Variants in SUCLG2 observed in about 807,000 individuals in gnomAD.
SUCLG2 encodes succinate--CoA ligase [GDP-forming] subunit beta, mitochondrial.
SUCLG2 carries 42 observed loss-of-function variants against 47.9 expected under a neutral mutation model. The ratio of observed to expected loss-of-function variants is 0.88; its 90% CI spans 0.69 to 1.14. The LOEUF (loss-of-function observed/expected upper bound fraction) is 1.14. SUCLG2 is among the 50% of genes most tolerant of loss of function. The pLI, the probability that SUCLG2 is intolerant of heterozygous loss-of-function variation, is 0.00. For synonymous variants in SUCLG2, 195 were observed against 197.3 expected (o/e 0.99, Z 0.10); for missense variants, 571 against 525.9 (o/e 1.09, Z -0.84).
intron 10 of SUCLG2, among the ~76,000 whole-genome samples, chr3:67,366,477 T>G (rs1701876860): frequency 6.6e-6 from 1 of 152,216 alleles, no homozygotes; most frequent in Non-Finnish European, 1.5e-5. Flanking sequence ...TTTGCCTCTA[T>G]TTAATCTCTG....
rs1575736504 is a variant in SUCLG2, at chr3:67,498,426, G to A, written c.758-131C>T. The A allele has an allele frequency of 1.1e-5, 11 of 1,007,948 alleles. 1 individual carries two copies. The South Asian group carries it at 1.8e-4, about 16-fold the overall frequency. 62.4% of individuals were successfully genotyped at this position (1,007,948 alleles called of 1,614,324 possible). ...TTTTTTTCACATGTTACAGGCAGGA[G>A]AGGCTGCTTTGGCTTTCTTGACCTT... On this transcript the variant is annotated intron_variant, in intron 7 of 10. Transcript: ENST00000307227.
intron 1 of SUCLG2, among the ~76,000 whole-genome samples, chr3:67,643,891 T>G (rs1045920588): frequency 3.3e-5 from 5 of 152,126 alleles, no homozygotes; most frequent in African/African-American, 1.2e-4. Flanking sequence ...TGGCCAGGCT[T>G]GTCTTCAACT....
intron 1 of SUCLG2, among the ~76,000 whole-genome samples, chr3:67,650,161 ATATT>A (rs1189152470): frequency 6.6e-6 from 1 of 152,228 alleles, no homozygotes; most frequent in African/African-American, 2.4e-5. Flanking sequence ...AAAAAGTCAA[ATATT>A]TATTCTCCTA....
chr3:67,636,587 C>T (rs1386635640), intron 1 of SUCLG2, among the ~76,000 whole-genome samples: 4 of 151,990 alleles, frequency 2.6e-5, no homozygotes, highest in Admixed American at 6.5e-5. Context: ...CTCCTGACCT[C>T]GTGATCCACC....
intron 2 of SUCLG2, among the ~76,000 whole-genome samples, chr3:67,542,261 T>C (rs891424100): frequency 1.3e-5 from 2 of 152,164 alleles, no homozygotes; most frequent in Admixed American, 1.3e-4. Flanking sequence ...AATAAAATCC[T>C]TTACAGAGAA....
At chr3:67,649,082 A>T (rs1260827493) in intron 1 of SUCLG2, among the ~76,000 whole-genome samples, 1 of 152,214 alleles carries the variant, frequency 6.6e-6, no homozygotes, top group Non-Finnish European at 1.5e-5. Flanking sequence ...TGGGTAAGGT[A>T]ATTAGGAAAA....
At chr3:67,592,274 A>G (rs1381026805) in intron 2 of SUCLG2, among the ~76,000 whole-genome samples, 2 of 152,230 alleles carry the variant, frequency 1.3e-5, no homozygotes, top group Non-Finnish European at 2.9e-5. Flanking sequence ...TTGATCAGCC[A>G]GCCCTTCAAC....
intron 2 of SUCLG2, among the ~76,000 whole-genome samples, chr3:67,545,857 G>C (rs927818453): frequency 4.6e-5 from 7 of 152,034 alleles, no homozygotes; most frequent in African/African-American, 1.7e-4. Context: ...CCAGCAGCCA[G>C]AGAGATCCAC....
chr3:67,458,697 C>T (rs183897573), intron 9 of SUCLG2, among the ~76,000 whole-genome samples: 5 of 152,268 alleles, frequency 3.3e-5, no homozygotes, highest in South Asian at 2.1e-4. Flanking sequence ...AACATCCCAT[C>T]CCAACTGCCC....
At chr3:67,383,636 C>T (rs1702205296) in intron 10 of SUCLG2, among the ~76,000 whole-genome samples, 4 of 152,190 alleles carry the variant, frequency 2.6e-5, no homozygotes, top group African/African-American at 9.7e-5. Context: ...TTCTTCTCTA[C>T]ACGGTTTCAA....
At chr3:67,395,542 A>G (rs543292682) in intron 10 of SUCLG2, among the ~76,000 whole-genome samples, 1 of 152,332 alleles carries the variant, frequency 6.6e-6, no homozygotes, top group African/African-American at 2.4e-5. Flanking sequence ...AGGGACCTAC[A>G]AAGAGACTTA....
At chr3:67,513,791 T>C (rs1249211237) in intron 6 of SUCLG2, 1 of 152,444 alleles carries the variant, frequency 6.6e-6, no homozygotes, top group Non-Finnish European at 1.5e-5. Flanking sequence ...GTCTGTTAAG[T>C]AATTTTTAAA....
chr3:67,413,726 TAAAGACAGA>T (rs1702976769), intron 9 of SUCLG2, among the ~76,000 whole-genome samples: 2 of 152,218 alleles, frequency 1.3e-5, no homozygotes, highest in Non-Finnish European at 2.9e-5. Context: ...CAGCATCCAG[TAAAGACAGA>T]TACACACACA....
Position 67,528,150 on chromosome 3 carries a change from T to C in SUCLG2, c.399A>G (p.Glu133=). ...YNLATKQTPK[E]GVKVNKVMVA... ...ATATTACCTTGTTAACTTTCACACC[T>C]TCTTTTGGAGTTTGTTTTGTCGCTA... Residue 133 remains glutamate (E), a synonymous_variant, in exon 4 of 11, where the codon GAA becomes GAG. Coordinates refer to ENST00000307227, the MANE Select transcript of SUCLG2 (RefSeq NM_003848.4). 1.9e-6 allele frequency: 3 copies of C among 1,613,840 alleles called. No homozygotes were observed. The highest frequency in any genetic ancestry group is 2.5e-6 in the Non-Finnish European group (3 of 1,179,830).
intron 9 of SUCLG2, among the ~76,000 whole-genome samples, chr3:67,415,878 C>A (rs140483873): frequency 2.0e-5 from 3 of 152,256 alleles, no homozygotes; most frequent in South Asian, 4.1e-4. Context: ...TGACAGTGTG[C>A]GACTTTTGAG....
intron 6 of SUCLG2, among the ~76,000 whole-genome samples, chr3:67,517,966 C>T (rs1398418583): frequency 1.3e-5 from 2 of 152,040 alleles, no homozygotes; most frequent in African/African-American, 4.8e-5. Context: ...ACCAGCAATG[C>T]TACAGAAAAA....
chr3:67,540,341 A>G (rs997236234), intron 2 of SUCLG2, among the ~76,000 whole-genome samples: 2 of 151,862 alleles, frequency 1.3e-5, no homozygotes, highest in Non-Finnish European at 2.9e-5. Context: ...TCTGAAGTCC[A>G]CCTGGGGTGC....
intron 2 of SUCLG2, among the ~76,000 whole-genome samples, chr3:67,597,324 C>A (rs781097863): frequency 2.0e-5 from 3 of 152,182 alleles, no homozygotes; most frequent in Non-Finnish European, 4.4e-5. Context: ...GACCCAATGA[C>A]ATTAGAGAAA....
chr3:67,453,627 C>T (rs188625047), intron 9 of SUCLG2, among the ~76,000 whole-genome samples: 1 of 152,256 alleles, frequency 6.6e-6, no homozygotes, highest in East Asian at 1.9e-4. Flanking sequence ...AATTATTTAG[C>T]ATGAATATAT....
Sources: gnomAD v4.1 joint callset for allele counts (sites outside exome capture counted in the v4.1 genomes callset) on GRCh38, gnomAD v4.1.1 for gene constraint, MANE v1.5 for transcripts, NCBI Gene and HGNC (gene_info 2026-07-23, HGNC 2026-07-21) for gene names.